Variants in PPFIA4 observed in about 807,000 individuals in gnomAD.
PPFIA4 encodes the protein liprin-alpha-4.
In PPFIA4, 98 loss-of-function variants were observed where a neutral mutation model predicts 145.7. That is an observed-to-expected ratio of 0.67 (90% CI 0.57 to 0.80). The LOEUF (loss-of-function observed/expected upper bound fraction) is 0.80, where lower values mean the gene tolerates loss of function less well. PPFIA4 is among the 30% of genes least tolerant of loss of function. The pLI is 0.00. For synonymous variants in PPFIA4, 628 were observed against 649.6 expected (o/e 0.97, Z 0.51); for missense variants, 1,457 against 1,632.7 (o/e 0.89, Z 1.85).
chr1:203,053,676 GTA>G, intron 14 of PPFIA4, 75 bp from the exon 15 acceptor site: 1 of 1,243,826 alleles, frequency 8.0e-7, no homozygotes, highest in Non-Finnish European at 1.1e-6. Context: ...GTGCTGGTGG[GTA>G]GAGGTAGGGA....
In PPFIA4 at chr1:203,029,502, A is replaced by G. The variant is rs1571647108; in HGVS notation, c.-400+2873A>G. ...ACTGCTCTCCAGTGATTACATGTGT[A>G]TCTGTGTTCTCTCAAGTAGCCTGTG... On this transcript the variant is annotated intron_variant, in intron 1 of 29. Transcript: ENST00000295706. Among the ~76,000 whole-genome samples the G allele has an allele frequency of 2.6e-5, 4 of 152,366 alleles. No individual in the cohort carries two copies. The South Asian group carries it at 8.3e-4, about 32-fold the overall frequency.
At chr1:203,051,590 G>A (rs1660510230) in intron 13 of PPFIA4, 179 bp from the exon 14 acceptor site, 1 of 1,186,012 alleles carries the variant, frequency 8.4e-7, no homozygotes, top group Non-Finnish European at 1.1e-6. Flanking sequence ...GGAGCACCAG[G>A]GCATACGTCT....
chr1:203,073,466 G>A (rs1259639466), intron 28 of PPFIA4, among the ~76,000 whole-genome samples: 3 of 152,300 alleles, frequency 2.0e-5, no homozygotes, highest in South Asian at 2.1e-4. Flanking sequence ...TGTGGGAAGC[G>A]TAGAGTAGAA....
Position 203,076,383 on chromosome 1 carries a change from G to T in PPFIA4, c.3617G>T (p.Arg1206Leu). 6.8e-6 allele frequency: 11 copies of T among 1,608,504 alleles called. No homozygotes were observed. Among genetic ancestry groups the T allele is most frequent in the Non-Finnish European group, 8.5e-6 (10 of 1,179,804 alleles). The change falls in exon 30 of 30, where the codon CGG becomes CTG. Residue 1206 changes from arginine (R) to leucine (L), a missense_variant. Physicochemically the swap from Arg to Leu is moderately radical, Grantham distance 102. Transcript: ENST00000295706. ...YLYGHMLSAF[R>L]D ...TACGGACACATGCTCTCCGCCTTCC[G>T]GGACTAGCCATGGCCCCCAGGGCTG...
chr1:203,062,620 C>T (rs1661470277), intron 24 of PPFIA4, among the ~76,000 whole-genome samples: 1 of 151,844 alleles, frequency 6.6e-6, no homozygotes, highest in Non-Finnish European at 1.5e-5. Flanking sequence ...ACCCCACCAG[C>T]AGGAGACTGG....
intron 25 of PPFIA4, among the ~76,000 whole-genome samples, chr1:203,064,440 G>A (rs1661592306): frequency 6.6e-6 from 1 of 152,114 alleles, no homozygotes. Flanking sequence ...TTGCCATGCC[G>A]ACATCCCAGA....
Position 203,053,748 on chromosome 1 carries a change from C to G in PPFIA4, c.1621-5C>G, listed in dbSNP as rs1304792305. On this transcript the variant is annotated splice_polypyrimidine_tract_variant and splice_region_variant and intron_variant, in intron 14 of 29. Transcript: ENST00000295706. ...ACGACTCCTTTACCCTCCTCCTTTG[C>G]TAAGGACTGGGAGACTTCTCCACTG... 1.9e-6 allele frequency: 3 copies of G among 1,550,098 alleles called. No homozygotes were observed. Among genetic ancestry groups the G allele is most frequent in the Non-Finnish European group, 2.6e-6 (3 of 1,146,944 alleles).
chr1:203,049,462 C>T (rs1391461191), intron 12 of PPFIA4, among the ~76,000 whole-genome samples: 1 of 152,212 alleles, frequency 6.6e-6, no homozygotes, highest in East Asian at 1.9e-4. Context: ...TGGCCCTGCC[C>T]CTGCCCATCC....
intron 25 of PPFIA4, among the ~76,000 whole-genome samples, chr1:203,065,500 C>G (rs539343594): frequency 2.6e-5 from 4 of 152,140 alleles, no homozygotes; most frequent in Middle Eastern, 3.2e-3. Context: ...CCAGCCAGGA[C>G]TATGGAAATC....
At chr1:203,036,512 C>G (rs766630056) in intron 1 of PPFIA4, among the ~76,000 whole-genome samples, 14 of 151,166 alleles carry the variant, frequency 9.3e-5, no homozygotes, top group Non-Finnish European at 1.6e-4. Context: ...CTAGCCTAGT[C>G]TTCTCTTTTG....
At position 203,048,402 on chromosome 1, in the gene PPFIA4, G is replaced by C. The variant is rs1004199704; in HGVS notation, c.1224+92G>C. On this transcript the variant is annotated intron_variant, in intron 10 of 29. Transcript: ENST00000295706. This position sits in a 1 kb window ranked among gnomAD's most constrained non-coding sequence, Gnocchi z 5.8. ...TGGAAGGGGCACGGAGGAAGGGCCT[G>C]GCCAGGGACACAGCCACAGAGAGTG... is the stretch of plus-strand genomic sequence containing the variant. 4 of 1,503,636 alleles carry C rather than the reference G, an allele frequency of 2.7e-6. No individual in the cohort carries two copies. The African/African-American group carries it at 5.5e-5, about 21-fold the overall frequency. 93.1% of individuals were successfully genotyped at this position (1,503,636 alleles called of 1,614,324 possible). A position where few individuals can be genotyped will look rare whatever the true frequency, so the allele number is the denominator to read the frequency against.
chr1:203,063,593 T>A, intron 24 of PPFIA4: 1 of 461,022 alleles, frequency 2.2e-6, no homozygotes. Context: ...GTGTAGATAA[T>A]TGATATGTGA....
chr1:203,032,426 C>CTTTTTTTTTTTTTTTT lies in PPFIA4; in HGVS notation c.-400+5803_-400+5804insTTTTTTTTTTTTTTTT, dbSNP rs67178955. Among the ~76,000 whole-genome samples, 16 of 59,482 alleles carry CTTTTTTTTTTTTTTTT rather than the reference C, an allele frequency of 2.7e-4. 1 individual carries two copies. Among genetic ancestry groups the CTTTTTTTTTTTTTTTT allele is most frequent in the South Asian group, 9.4e-4 (2 of 2,138 alleles). 39.0% of individuals were successfully genotyped at this position (59,482 alleles called of 152,430 possible). A position where few individuals can be genotyped will look rare whatever the true frequency, so the allele number is the denominator to read the frequency against. On this transcript the variant is annotated intron_variant, in intron 1 of 29. Coordinates refer to ENST00000295706, the MANE Select transcript of PPFIA4 (RefSeq NM_001304331.2). ...GAGGCTTGTAGTTCTCCCTTCCCCGCTTTTTTGTTGTTGTTGTTGTTTTTG... is the reference window on the plus strand; with the variant it reads ...GAGGCTTGTAGTTCTCCCTTCCCCGCTTTTTTTTTTTTTTTTTTTTTTGTTGTTGTTGTTGTTTTTG...
At chr1:203,052,045 G>GCGCC (rs749259069) in intron 14 of PPFIA4, among the ~76,000 whole-genome samples, 168 bp downstream of exon 14, 1 of 102,972 alleles carries the variant, frequency 9.7e-6, no homozygotes, top group Non-Finnish European at 2.0e-5. Context: ...CAACAGCTGT[G>GCGCC]CCCCCCCCCC....
At chr1:203,074,224 C>T (rs1662366690) in intron 28 of PPFIA4, among the ~76,000 whole-genome samples, 1 of 152,140 alleles carries the variant, frequency 6.6e-6, no homozygotes, top group Non-Finnish European at 1.5e-5. Context: ...ACTGTGTGAA[C>T]ATCACAGAAT....
Position 203,051,895 on chromosome 1 carries a change from T to C in PPFIA4, c.1620+18T>C. The C allele has an allele frequency of 6.2e-7, 1 of 1,610,510 alleles. No individual in the cohort carries two copies. Among genetic ancestry groups the C allele is most frequent in the Non-Finnish European group, 8.5e-7 (1 of 1,178,316 alleles). On this transcript the variant is annotated intron_variant, in intron 14 of 29. Coordinates refer to ENST00000295706, the MANE Select transcript of PPFIA4 (RefSeq NM_001304331.2). ...CTGCCAAGGTGAGGGGGTGGAGGGA[T>C]CTCCTCAGGGAGTTTGGGGTCAATT... is the stretch of plus-strand genomic sequence containing the variant.
chr1:203,043,872 A>G lies in PPFIA4; in HGVS notation c.337-59A>G. 1.3e-6 allele frequency: 2 copies of G among 1,494,016 alleles called. No individual in the cohort carries two copies. The highest frequency in any genetic ancestry group is 1.8e-6 in the Non-Finnish European group (2 of 1,111,098). The allele number at this position is 1,494,016 out of a possible 1,614,324, so 92.5% of individuals were successfully genotyped here. Reference sequence around the variant, plus strand: ...CGGGGATCACATGGACCCTGCTTGTAGCCCCTGGGGCACATGCTTACAGCC... The same window carrying G: ...CGGGGATCACATGGACCCTGCTTGTGGCCCCTGGGGCACATGCTTACAGCC... On this transcript the variant is annotated intron_variant, in intron 3 of 29. Coordinates refer to ENST00000295706, the MANE Select transcript of PPFIA4 (RefSeq NM_001304331.2). The surrounding 1 kb of genome is among the most constrained non-coding windows in gnomAD (Gnocchi z 4.4).
Position 203,060,786 on chromosome 1 carries a change from T to C in PPFIA4, c.2785-184T>C, listed in dbSNP as rs1023462677. On this transcript the variant is annotated intron_variant, in intron 22 of 29. Coordinates refer to ENST00000295706, the MANE Select transcript of PPFIA4 (RefSeq NM_001304331.2). The surrounding 1 kb of genome is among the most constrained non-coding windows in gnomAD (Gnocchi z 4.8). ...TTGTCTTGGTCCTCTAACACAAGAA[T>C]GCGGACTGCTCTGTGGGCCCCTGGG... 6.6e-6 allele frequency among the ~76,000 whole-genome samples: 1 copy of C among 152,204 alleles called. No individual in the cohort carries two copies. Among genetic ancestry groups the C allele is most frequent in the African/African-American group, 2.4e-5 (1 of 41,440 alleles).
chr1:203,075,903 G>C lies in PPFIA4; in HGVS notation c.3574+146G>C. ...GCTGCAGCTGCACTAACGCTCCGCG[G>C]GGAGCGTGTGTGCGCACTAACCCGC... On this transcript the variant is annotated intron_variant, in intron 29 of 29. Transcript: ENST00000295706. The surrounding 1 kb of genome is among the most constrained non-coding windows in gnomAD (Gnocchi z 4.1). The C allele has an allele frequency of 2.4e-6, 2 of 838,548 alleles. No individual in the cohort carries two copies. Among genetic ancestry groups the C allele is most frequent in the Non-Finnish European group, 3.3e-6 (2 of 597,274 alleles). 51.9% of individuals were successfully genotyped at this position (838,548 alleles called of 1,614,324 possible).
Sources: gnomAD v4.1 joint callset for allele counts (sites outside exome capture counted in the v4.1 genomes callset) on GRCh38, gnomAD v4.1.1 for gene constraint, Gnocchi (gnomAD v3.1) non-coding constraint, MANE v1.5 for transcripts, NCBI Gene and HGNC (gene_info 2026-07-23, HGNC 2026-07-21) for gene names.